Variants in ZMIZ1 observed in about 807,000 individuals in gnomAD.
ZMIZ1 encodes zinc finger MIZ domain-containing protein 1.
Under a neutral mutation model 113.9 loss-of-function variants are expected in ZMIZ1, and 17 were observed. The ratio of observed to expected loss-of-function variants is 0.15; its 90% CI spans 0.10 to 0.22. The LOEUF (loss-of-function observed/expected upper bound fraction) is 0.22. ZMIZ1 is among the 10% of genes least tolerant of loss of function. The pLI, the probability that ZMIZ1 is intolerant of heterozygous loss-of-function variation, is 1.00. For synonymous variants in ZMIZ1, 607 were observed against 603.1 expected, an observed-to-expected ratio of 1.01 and a Z score of -0.09; for missense variants, 1,059 against 1,477.8, an observed-to-expected ratio of 0.72 and a Z score of 4.65.
intron 7 of ZMIZ1, among the ~76,000 whole-genome samples, chr10:79,248,881 TG>T (rs959610024): frequency 6.6e-6 from 1 of 152,126 alleles, no homozygotes; most frequent in Non-Finnish European, 1.5e-5. Flanking sequence ...GGGTAGTCTC[TG>T]GGCTTGCAGA....
intron 14 of ZMIZ1, 64 bp from the exon 15 acceptor site, chr10:79,298,342 A>C: frequency 6.5e-7 from 1 of 1,544,958 alleles, no homozygotes; most frequent in Non-Finnish European, 8.7e-7. Context: ...GTGTATGTCC[A>C]TAGCCATGGC....
intron 4 of ZMIZ1, among the ~76,000 whole-genome samples, chr10:79,180,606 G>A (rs548285340): frequency 6.6e-6 from 1 of 152,186 alleles, no homozygotes. Context: ...GAGTCCCCCA[G>A]AGGCGTGGGA....
At chr10:79,106,779 C>T (rs1261772405) in intron 1 of ZMIZ1, among the ~76,000 whole-genome samples, 8 of 152,232 alleles carry the variant, frequency 5.3e-5, no homozygotes. Flanking sequence ...GAATGATCGA[C>T]AAATGGGACT....
chr10:79,274,324 T>G (rs1589538885), intron 7 of ZMIZ1, among the ~76,000 whole-genome samples: 1 of 152,210 alleles, frequency 6.6e-6, no homozygotes, highest in South Asian at 2.1e-4. Flanking sequence ...CAAAGAAGCA[T>G]GCAGGCCAGC....
chr10:79,312,517 C>CT (rs1179747962), intron 24 of ZMIZ1, 125 bp from the exon 25 acceptor site: 21 of 1,000,390 alleles, frequency 2.1e-5, no homozygotes, highest in South Asian at 4.2e-5. Context: ...TTCTCTACCC[C>CT]TTTTTTTGGC....
At chr10:79,283,885 G>A (rs1852894640) in intron 8 of ZMIZ1, among the ~76,000 whole-genome samples, 1 of 152,208 alleles carries the variant, frequency 6.6e-6, no homozygotes, top group Admixed American at 6.5e-5. Flanking sequence ...TAAACAGGGT[G>A]GGAGCTTCAG....
intron 8 of ZMIZ1, among the ~76,000 whole-genome samples, chr10:79,282,186 G>A (rs1242381476): frequency 1.3e-5 from 2 of 152,152 alleles, no homozygotes; most frequent in African/African-American, 2.4e-5. Context: ...CAAACAAGAC[G>A]GAAAGAAAAT....
At chr10:79,138,429 G>T (rs1845114234) in intron 2 of ZMIZ1, among the ~76,000 whole-genome samples, 1 of 152,260 alleles carries the variant, frequency 6.6e-6, no homozygotes, top group Non-Finnish European at 1.5e-5. Context: ...CGCCATTTTG[G>T]GCCCTGGGCC....
intron 4 of ZMIZ1, among the ~76,000 whole-genome samples, chr10:79,177,017 C>T (rs551158362): frequency 1.3e-5 from 2 of 152,318 alleles, no homozygotes; most frequent in South Asian, 2.1e-4. Context: ...CCACAAGAGG[C>T]CCCCTGGGTC....
chr10:79,165,959 T>TGC (rs1564692663), intron 4 of ZMIZ1, among the ~76,000 whole-genome samples: 4 of 32,096 alleles, frequency 1.2e-4, no homozygotes, highest in East Asian at 9.8e-4. Flanking sequence ...TGTGTGTGTG[T>TGC]GTGTGTGTGT....
At chr10:79,214,451 AG>A (rs1848641781) in intron 6 of ZMIZ1, among the ~76,000 whole-genome samples, 1 of 152,208 alleles carries the variant, frequency 6.6e-6, no homozygotes, top group Non-Finnish European at 1.5e-5. Context: ...GATCCTGGGA[AG>A]GGGAACCCAT....
intron 5 of ZMIZ1, among the ~76,000 whole-genome samples, chr10:79,202,051 G>C (rs114014005): frequency 1.2e-5 from 1 of 85,364 alleles, no homozygotes; most frequent in Non-Finnish European, 2.2e-5. Context: ...TGCTCCAGTC[G>C]TTCTCAAAAA....
chr10:79,126,567 A>AT (rs1844519008), intron 2 of ZMIZ1, among the ~76,000 whole-genome samples: 1 of 152,228 alleles, frequency 6.6e-6, no homozygotes, highest in African/African-American at 2.4e-5. Flanking sequence ...ACTGGGGCAG[A>AT]TAATGGGGGC....
chr10:79,288,954 G>T (rs969067061), intron 8 of ZMIZ1, among the ~76,000 whole-genome samples: 3 of 152,202 alleles, frequency 2.0e-5, no homozygotes, highest in Non-Finnish European at 4.4e-5. Context: ...GTCCGGGTTG[G>T]TAGAGAGGAG....
intron 8 of ZMIZ1, chr10:79,285,632 G>A (rs1853027368): frequency 4.4e-6 from 2 of 451,630 alleles, no homozygotes; most frequent in Non-Finnish European, 9.0e-6. Context: ...GGTGAGTGCA[G>A]AGAGGTGGTT....
rs937895662 is a variant in ZMIZ1 at position 79,118,754 on chromosome 10, G to A, written c.-336-161G>A. On this transcript the variant is annotated intron_variant, in intron 1 of 24. Coordinates refer to ENST00000334512, the MANE Select transcript of ZMIZ1 (RefSeq NM_020338.4). This position sits in a 1 kb window ranked among gnomAD's most constrained non-coding sequence, Gnocchi z 4.1. Reference sequence around the variant, plus strand: ...CAGGAGCTGCGACCTTTATTTGGCAGTGGCAGGACGGTATCCAGTGTCTCG... The same window carrying A: ...CAGGAGCTGCGACCTTTATTTGGCAATGGCAGGACGGTATCCAGTGTCTCG... 1.3e-5 allele frequency among the ~76,000 whole-genome samples: 2 copies of A among 152,240 alleles called. No individual in the cohort carries two copies. Among genetic ancestry groups the A allele is most frequent in the Admixed American group, 1.3e-4 (2 of 15,292 alleles).
chr10:79,311,300 G>A, intron 24 of ZMIZ1, 116 bp downstream of exon 24: 3 of 1,124,136 alleles, frequency 2.7e-6, no homozygotes, highest in Non-Finnish European at 3.6e-6. Flanking sequence ...TGGGTGGGCG[G>A]TGGGAGGGCT....
At chr10:79,179,454 C>G (rs986910946) in intron 4 of ZMIZ1, among the ~76,000 whole-genome samples, 1 of 152,242 alleles carries the variant, frequency 6.6e-6, no homozygotes, top group African/African-American at 2.4e-5. Flanking sequence ...TTGCCTGGCT[C>G]TGCACCCGCA....
At chr10:79,299,228 T>G in intron 16 of ZMIZ1, 37 bp downstream of exon 16, 1 of 1,576,022 alleles carries the variant, frequency 6.3e-7, no homozygotes, top group African/African-American at 1.3e-5. Context: ...CCAGGCGGGA[T>G]GAAGGAGGTC....
Sources: allele counts gnomAD v4.1 joint callset (sites outside exome capture counted in the v4.1 genomes callset), GRCh38; gene constraint gnomAD v4.1.1; non-coding constraint Gnocchi (gnomAD v3.1); transcripts MANE v1.5; gene names NCBI Gene and HGNC (gene_info 2026-07-23, HGNC 2026-07-21).